Variants in TXNL1 observed in about 807,000 individuals in gnomAD.
TXNL1 encodes thioredoxin like 1.
In TXNL1, 14 loss-of-function variants were observed where a neutral mutation model predicts 35.5. The ratio of observed to expected loss-of-function variants is 0.39; its 90% CI spans 0.26 to 0.62. The LOEUF (loss-of-function observed/expected upper bound fraction) is 0.62, where lower values mean the gene tolerates loss of function less well. Among genes scored for constraint, TXNL1 ranks in the 20% least tolerant of loss-of-function variants. The pLI is 0.47. For missense variants in TXNL1, 263 were observed against 349.7 expected (o/e 0.75, Z 1.98); for synonymous variants, 110 against 115.5 (o/e 0.95, Z 0.31).
chr18:56,619,236 T>C (rs1396839497), intron 3 of TXNL1, among the ~76,000 whole-genome samples: 1 of 135,034 alleles, frequency 7.4e-6, no homozygotes, highest in Non-Finnish European at 1.6e-5. Context: ...AAAAAAAAAG[T>C]ATAAACATTA....
At chr18:56,615,474 G>A (rs1485740717) in intron 5 of TXNL1, among the ~76,000 whole-genome samples, 1 of 149,490 alleles carries the variant, frequency 6.7e-6, no homozygotes, top group African/African-American at 2.5e-5. Context: ...AAAAAATGGG[G>A]GGGGGCAAAA....
At chr18:56,603,119 ATAC>A in intron 7 of TXNL1, 63 bp from the exon 8 acceptor site, 1 of 1,372,574 alleles carries the variant, frequency 7.3e-7, no homozygotes, top group Non-Finnish European at 1.0e-6. Context: ...GTTATTAAAA[ATAC>A]TAATAATCAG....
chr18:56,620,716 G>A (rs1221685502), intron 3 of TXNL1, among the ~76,000 whole-genome samples: 3 of 152,122 alleles, frequency 2.0e-5, no homozygotes, highest in East Asian at 3.9e-4. Flanking sequence ...CTATCTCAAA[G>A]GGTTTTCATT....
At chr18:56,632,905 C>T (rs1276322347) in intron 1 of TXNL1, among the ~76,000 whole-genome samples, 1 of 152,154 alleles carries the variant, frequency 6.6e-6, no homozygotes, top group Non-Finnish European at 1.5e-5. Flanking sequence ...GACTACTGGG[C>T]CTGCTTACTC....
chr18:56,614,995 TA>T (rs1170612384), intron 5 of TXNL1, among the ~76,000 whole-genome samples: 2 of 152,204 alleles, frequency 1.3e-5, no homozygotes, highest in African/African-American at 4.8e-5. Context: ...ATAAAAGAAA[TA>T]GCATTTGAGC....
chr18:56,605,410 T>C (rs1019464811), intron 7 of TXNL1: 4 of 152,170 alleles, frequency 2.6e-5, no homozygotes, highest in African/African-American at 9.7e-5. Context: ...ACAGAAATGT[T>C]ACAAAAATAG....
chr18:56,635,997 T>C (rs901645134), intron 1 of TXNL1, among the ~76,000 whole-genome samples: 34 of 152,318 alleles, frequency 2.2e-4, no homozygotes, highest in African/African-American at 8.2e-4. Context: ...TCAGCACAAA[T>C]GCAATTTTTT....
At chr18:56,629,433 C>A (rs557456903) in intron 1 of TXNL1, among the ~76,000 whole-genome samples, 1 of 152,252 alleles carries the variant, frequency 6.6e-6, no homozygotes, top group Admixed American at 6.5e-5. Context: ...AAGGCTGAAG[C>A]AGGAGAATCA....
intron 5 of TXNL1, 55 bp from the exon 6 acceptor site, chr18:56,614,651 C>A: frequency 7.2e-7 from 1 of 1,382,884 alleles, no homozygotes; most frequent in South Asian, 1.3e-5. Context: ...ATACTATACT[C>A]CCTTTACCAC....
intron 3 of TXNL1, 24 bp downstream of exon 3, chr18:56,624,264 G>A: frequency 6.3e-7 from 1 of 1,598,384 alleles, no homozygotes; most frequent in Non-Finnish European, 8.5e-7. Flanking sequence ...TATACATTAT[G>A]ATTTCACTTT....
chr18:56,607,786 G>A (rs544720299), intron 7 of TXNL1, among the ~76,000 whole-genome samples: 2 of 152,242 alleles, frequency 1.3e-5, no homozygotes, highest in South Asian at 4.1e-4. Context: ...AACCCGGGAG[G>A]CAGAGGTTGC....
chr18:56,608,667 C>T, intron 7 of TXNL1: 1 of 152,238 alleles, frequency 6.6e-6, no homozygotes, highest in Non-Finnish European at 1.5e-5. Flanking sequence ...TTTCCAGGGG[C>T]TATATGATGT....
chr18:56,611,852 T>TA (rs1430895305), intron 6 of TXNL1, among the ~76,000 whole-genome samples: 30 of 143,374 alleles, frequency 2.1e-4, no homozygotes, highest in Admixed American at 1.4e-3. Flanking sequence ...CTAATTTTTT[T>TA]TTTTTTTTTT....
intron 7 of TXNL1, among the ~76,000 whole-genome samples, chr18:56,605,736 C>T (rs2023882226): frequency 1.3e-5 from 2 of 152,060 alleles, no homozygotes; most frequent in African/African-American, 4.8e-5. Context: ...AGAGCCAAAA[C>T]CAGACAAGTG....
intron 1 of TXNL1, among the ~76,000 whole-genome samples, chr18:56,636,157 C>A (rs956403556): frequency 6.6e-6 from 1 of 151,892 alleles, no homozygotes; most frequent in Non-Finnish European, 1.5e-5. Flanking sequence ...AAGATTCTTA[C>A]ACAGGAGAAC....
At chr18:56,605,354 T>C (rs2023873678) in intron 7 of TXNL1, 1 of 152,130 alleles carries the variant, frequency 6.6e-6, no homozygotes, top group African/African-American at 2.4e-5. Flanking sequence ...ATATCTTCTG[T>C]TTTTAGTTCA....
At chr18:56,609,959 C>T (rs2023964013) in intron 7 of TXNL1, 1 of 152,192 alleles carries the variant, frequency 6.6e-6, no homozygotes, top group Non-Finnish European at 1.5e-5. Flanking sequence ...AAACAGCATA[C>T]AATTTTGTAA....
At chr18:56,611,154 AGT>A in intron 6 of TXNL1, 57 bp from the exon 7 acceptor site, 1 of 1,138,142 alleles carries the variant, frequency 8.8e-7, no homozygotes, top group South Asian at 1.4e-5. Flanking sequence ...ACATGCTTTA[AGT>A]TTAATCAATT....
intron 7 of TXNL1, among the ~76,000 whole-genome samples, chr18:56,606,928 C>G (rs1356995654): frequency 6.6e-6 from 1 of 152,130 alleles, no homozygotes; most frequent in African/African-American, 2.4e-5. Flanking sequence ...TCCATGTCAA[C>G]TTTTAACCAC....
Sources: gnomAD v4.1 joint callset for allele counts (sites outside exome capture counted in the v4.1 genomes callset) on GRCh38, gnomAD v4.1.1 for gene constraint, MANE v1.5 for transcripts, NCBI Gene and HGNC (gene_info 2026-07-23, HGNC 2026-07-21) for gene names.